The following CSMD1 variants were observed in gnomAD, a reference collection of about 807,000 sequenced individuals.
The protein encoded by CSMD1 is CUB and sushi domain-containing protein 1.
Under a neutral mutation model 417.5 loss-of-function variants are expected in CSMD1, and 213 were observed. That is an observed-to-expected ratio of 0.51 (90% confidence interval 0.46 to 0.57). The LOEUF is 0.57. Among genes scored for constraint, CSMD1 ranks in the 20% least tolerant of loss-of-function variants. The probability of loss-of-function intolerance (pLI) is 0.00; values close to 1 mark genes in which losing one functional copy is unlikely to be tolerated. For missense variants in CSMD1, 6,923 were observed against 4,529.7 expected, an observed-to-expected ratio of 1.53 and a Z score of -15.17; for synonymous variants, 2,862 against 1,736.8, an observed-to-expected ratio of 1.65 and a Z score of -16.11.
In CSMD1 at chr8:4,648,927, G is replaced by A. The variant is rs192709487; in HGVS notation, c.86-11369C>T. On this transcript the variant is annotated intron_variant, in intron 1 of 69. Coordinates refer to ENST00000635120, the MANE Select transcript of CSMD1 (RefSeq NM_033225.6). The stretch of plus-strand genomic sequence containing the variant: ...CATATACGTAAATCAATTTCAGTCT[G>A]CAATGAAGCCAGCACTTCCTTAGTA... 1.1e-4 allele frequency among the ~76,000 whole-genome samples: 17 copies of A among 152,280 alleles called. No individual in the cohort carries two copies. In the East Asian group the frequency reaches 3.1e-3, roughly 28 times the overall value.
chr8:4,236,230 C>A (rs1053502794), intron 3 of CSMD1, among the ~76,000 whole-genome samples: 2 of 151,976 alleles, frequency 1.3e-5, no homozygotes, highest in African/African-American at 4.8e-5. Context: ...TATAATCCAT[C>A]GCATCACCTA....
intron 4 of CSMD1, among the ~76,000 whole-genome samples, chr8:4,023,289 C>T (rs904291811): frequency 2.6e-5 from 4 of 152,216 alleles, no homozygotes; most frequent in African/African-American, 4.8e-5. Context: ...ATCATTGAGA[C>T]TCATTTTGAA....
At chr8:4,434,085 C>T (rs1201798931) in intron 2 of CSMD1, among the ~76,000 whole-genome samples, 1 of 152,110 alleles carries the variant, frequency 6.6e-6, no homozygotes, top group East Asian at 1.9e-4. Flanking sequence ...CGCCTGTGAT[C>T]CCAGCACTTT....
At chr8:4,096,299 TCAC>T (rs908942444) in intron 3 of CSMD1, among the ~76,000 whole-genome samples, 16 of 152,048 alleles carry the variant, frequency 1.1e-4, no homozygotes, top group African/African-American at 3.9e-4. Context: ...TGTGCTAGGA[TCAC>T]CACATTTGTC....
chr8:4,725,768 T>C (rs554767895), intron 1 of CSMD1, among the ~76,000 whole-genome samples: 56 of 152,236 alleles, frequency 3.7e-4, no homozygotes, highest in African/African-American at 1.3e-3. Flanking sequence ...GTACCTTGAG[T>C]TACACAGGAT....
At chr8:3,608,350 G>C (rs986398344) in intron 8 of CSMD1, among the ~76,000 whole-genome samples, 3 of 152,102 alleles carry the variant, frequency 2.0e-5, no homozygotes, top group Admixed American at 1.3e-4. Context: ...GAAGAAAAGA[G>C]AAAAGGGACA....
At chr8:3,033,851 G>C (rs1220868356) in intron 50 of CSMD1, among the ~76,000 whole-genome samples, 1 of 152,194 alleles carries the variant, frequency 6.6e-6, no homozygotes, top group Non-Finnish European at 1.5e-5. Context: ...TTCCTACACA[G>C]TGAACTGCAA....
At chr8:3,986,611 C>G (rs1220279178) in intron 5 of CSMD1, among the ~76,000 whole-genome samples, 1 of 152,132 alleles carries the variant, frequency 6.6e-6, no homozygotes, top group Non-Finnish European at 1.5e-5. Context: ...AGCCATGCAA[C>G]ATACCTAAAT....
chr8:3,572,655 T>C (rs146450884), intron 10 of CSMD1, among the ~76,000 whole-genome samples: 1 of 152,216 alleles, frequency 6.6e-6, no homozygotes, highest in Admixed American at 6.5e-5. Flanking sequence ...GCCTCTCAAA[T>C]TGCAGAAGTA....
chr8:3,561,800 GA>G (rs71534361), intron 10 of CSMD1, among the ~76,000 whole-genome samples: 1 of 151,700 alleles, frequency 6.6e-6, no homozygotes, highest in African/African-American at 2.4e-5. Context: ...AACAGAAAAA[GA>G]AAAAAAAGTA....
chr8:4,264,291 T>C (rs1180192092), intron 3 of CSMD1, among the ~76,000 whole-genome samples: 5 of 152,200 alleles, frequency 3.3e-5, no homozygotes, highest in African/African-American at 1.2e-4. Context: ...CACATTATTG[T>C]ACGTAGAATT....
chr8:3,205,861 T>C lies in CSMD1; in HGVS notation c.4868-241A>G, dbSNP rs113420309. Among the ~76,000 whole-genome samples, 487 of 152,288 alleles carry C rather than the reference T, an allele frequency of 3.2e-3. 5 individuals are homozygous for C. The highest frequency in any genetic ancestry group is 0.011 in the African/African-American group (455 of 41,554). ...ATTTTCAAGACATTTGTCTCAGATG[T>C]ATTAAAATAATAAGGGAAACATCTA... On this transcript the variant is annotated intron_variant, in intron 30 of 69. Transcript: ENST00000635120.
intron 5 of CSMD1, among the ~76,000 whole-genome samples, chr8:3,807,377 G>C (rs1800804877): frequency 1.3e-5 from 2 of 152,234 alleles, no homozygotes; most frequent in Admixed American, 1.3e-4. Flanking sequence ...ATATTCCCAA[G>C]CCCTTTATAG....
intron 10 of CSMD1, among the ~76,000 whole-genome samples, chr8:3,518,989 T>A (rs182799217): frequency 2.6e-5 from 4 of 152,332 alleles, no homozygotes; most frequent in Admixed American, 2.0e-4. Flanking sequence ...AACTGAAATA[T>A]AAATGATCTG....
chr8:3,777,046 T>G (rs1563069349), intron 5 of CSMD1, among the ~76,000 whole-genome samples: 2 of 151,482 alleles, frequency 1.3e-5, no homozygotes, highest in South Asian at 2.1e-4. Flanking sequence ...ACAATGGAAA[T>G]CTGTCTATAT....
At chr8:3,807,215 C>T (rs1214780251) in intron 5 of CSMD1, among the ~76,000 whole-genome samples, 4 of 152,182 alleles carry the variant, frequency 2.6e-5, no homozygotes, top group African/African-American at 9.6e-5. Flanking sequence ...GAAGCCAGGA[C>T]ATTGATAAAC....
chr8:4,309,889 T>C (rs1022191124), intron 3 of CSMD1, among the ~76,000 whole-genome samples: 6 of 152,216 alleles, frequency 3.9e-5, no homozygotes, highest in African/African-American at 1.4e-4. Flanking sequence ...GGGTCTTACA[T>C]GTGCTTCAAC....
chr8:3,812,835 A>G (rs900539465), intron 5 of CSMD1, among the ~76,000 whole-genome samples: 3 of 152,154 alleles, frequency 2.0e-5, no homozygotes, highest in Non-Finnish European at 2.9e-5. Context: ...GTTTTGAAAC[A>G]TTTATTTCAT....
At chr8:4,970,671 TATAA>T (rs1238013315) in intron 1 of CSMD1, among the ~76,000 whole-genome samples, 2 of 152,106 alleles carry the variant, frequency 1.3e-5, no homozygotes, top group Admixed American at 6.6e-5. Flanking sequence ...AATAAAAAGT[TATAA>T]ATAAATAGCC....
Sources: allele counts gnomAD v4.1 joint callset (sites outside exome capture counted in the v4.1 genomes callset), GRCh38; gene constraint gnomAD v4.1.1; transcripts MANE v1.5; gene names NCBI Gene and HGNC (gene_info 2026-07-23, HGNC 2026-07-21).